TMED8: variants seen among roughly 807,000 people sequenced by gnomAD.
The protein encoded by TMED8 is transmembrane p24 trafficking protein family member 8.
Under a neutral mutation model 32.7 loss-of-function variants are expected in TMED8, and 15 were observed. The observed-to-expected ratio is 0.46, with a 90% CI of 0.31 to 0.71. TMED8 has a LOEUF of 0.71. TMED8 is among the 30% of genes least tolerant of loss of function. TMED8 has a pLI of 0.06. For missense variants in TMED8, 390 were observed against 423.9 expected (o/e 0.92, Z 0.70); for synonymous variants, 147 against 161.4 (o/e 0.91, Z 0.68).
intron 2 of TMED8, among the ~76,000 whole-genome samples, chr14:77,349,867 A>G (rs1366615931): frequency 2.0e-5 from 3 of 152,208 alleles, no homozygotes; most frequent in Non-Finnish European, 2.9e-5. Context: ...GTGGGCCTGG[A>G]TTGACATCAA....
chr14:77,344,774 C>A (rs1003601105), intron 3 of TMED8, among the ~76,000 whole-genome samples: 2 of 152,174 alleles, frequency 1.3e-5, no homozygotes, highest in African/African-American at 4.8e-5. Flanking sequence ...AGTTTGTAAT[C>A]CTCCCAGGCT....
At position 77,338,847 on chromosome 14, in the gene TMED8, T is replaced by G. The variant is rs550989698; in HGVS notation, c.*2924A>C. ...ACACTGGGGGAAAAGAAATCAATAC[T>G]TTAAATATGTCTTCCTTTCTAAAAG... On this transcript the variant is annotated 3_prime_UTR_variant, in exon 6 of 6. Transcript: ENST00000216468. The G allele has an allele frequency of 5.9e-5, 9 of 152,368 alleles. No homozygotes were observed. The highest frequency in any genetic ancestry group is 1.3e-4 in the Admixed American group (2 of 15,302). 9.4% of individuals were successfully genotyped at this position (152,368 alleles called of 1,614,324 possible).
Position 77,335,114 on chromosome 14 carries a change from C to T in TMED8, c.*6657G>A, listed in dbSNP as rs774383145. ...GCACAAAAGCATCACAAAACTGTTA[C>T]CTAATATAAAACGCAAGAACTGAGC... is the stretch of plus-strand genomic sequence containing the variant. On this transcript the variant is annotated 3_prime_UTR_variant, in exon 6 of 6. Transcript: ENST00000216468. 9 of 152,100 alleles carry T rather than the reference C, an allele frequency of 5.9e-5. No individual in the cohort carries two copies. The highest frequency in any genetic ancestry group is 8.8e-5 in the Non-Finnish European group (6 of 68,012). 9.4% of individuals were successfully genotyped at this position (152,100 alleles called of 1,614,324 possible).
At position 77,345,827 on chromosome 14, in the gene TMED8, G is replaced by A. The variant is rs527743612; in HGVS notation, c.327+522C>T. 1.6e-3 allele frequency among the ~76,000 whole-genome samples: 237 copies of A among 152,004 alleles called. 1 individual carries two copies. The highest frequency in any genetic ancestry group is 2.4e-3 in the Non-Finnish European group (166 of 67,964). On this transcript the variant is annotated intron_variant, in intron 3 of 5. Transcript: ENST00000216468. ...TCTACTAAAAATACAAAAATTAGCC[G>A]GGTGTGGTGGCATGTGCCTGTAATC...
chr14:77,372,935 TATATATATATATA>T (rs1566696431), intron 1 of TMED8, among the ~76,000 whole-genome samples: 7 of 33,750 alleles, frequency 2.1e-4, no homozygotes, highest in Non-Finnish European at 3.1e-4. Flanking sequence ...TATATATATA[TATATATATATATA>T]TATATTTTTT....
intron 3 of TMED8, among the ~76,000 whole-genome samples, chr14:77,345,248 A>G (rs1461815869): frequency 6.6e-6 from 1 of 152,094 alleles, no homozygotes; most frequent in Non-Finnish European, 1.5e-5. Context: ...CGGCCTCCCA[A>G]AGTGCTGGGA....
At chr14:77,362,453 A>G (rs901711875) in intron 1 of TMED8, among the ~76,000 whole-genome samples, 6 of 152,208 alleles carry the variant, frequency 3.9e-5, no homozygotes, top group Admixed American at 6.5e-5. Flanking sequence ...GCCTCATGGT[A>G]ACCACAAAGC....
intron 1 of TMED8, among the ~76,000 whole-genome samples, chr14:77,358,156 T>G (rs1893336300): frequency 6.9e-6 from 1 of 144,770 alleles, no homozygotes; most frequent in Admixed American, 7.0e-5. Flanking sequence ...AAATTGTATT[T>G]AAAGACCACA....
rs1462846023 is a variant in TMED8, at chr14:77,376,479, G to A, written c.118+457C>T. On this transcript the variant is annotated intron_variant, in intron 1 of 5. Coordinates refer to ENST00000216468, the MANE Select transcript of TMED8 (RefSeq NM_213601.3). This position sits in a 1 kb window ranked among gnomAD's most constrained non-coding sequence, Gnocchi z 4.0. ...GGAAGGCAAGGCTGCCAACCCGGGT[G>A]GGGGCCGAGAGGCGCGTGGTAAGGC... 6.6e-6 allele frequency among the ~76,000 whole-genome samples: 1 copy of A among 152,230 alleles called. No homozygotes were observed. Among genetic ancestry groups the A allele is most frequent in the Non-Finnish European group, 1.5e-5 (1 of 68,046 alleles).
chr14:77,367,108 G>A (rs542196919), intron 1 of TMED8, among the ~76,000 whole-genome samples: 2 of 151,858 alleles, frequency 1.3e-5, no homozygotes, highest in East Asian at 1.9e-4. Context: ...GCCAGGCATG[G>A]TGGTGTGTGT....
chr14:77,371,113 C>T (rs1272968369), intron 1 of TMED8, among the ~76,000 whole-genome samples: 1 of 152,090 alleles, frequency 6.6e-6, no homozygotes, highest in Non-Finnish European at 1.5e-5. Context: ...TAATGTATTA[C>T]CATTACAAAC....
intron 1 of TMED8, among the ~76,000 whole-genome samples, chr14:77,353,603 A>C (rs2139616743): frequency 6.7e-6 from 1 of 149,764 alleles, no homozygotes; most frequent in Admixed American, 6.6e-5. Context: ...GGCACACCCC[A>C]CCATGCCAGA....
At chr14:77,349,377 CA>C (rs1166158533) in intron 2 of TMED8, among the ~76,000 whole-genome samples, 8 of 152,100 alleles carry the variant, frequency 5.3e-5, no homozygotes, top group Non-Finnish European at 1.5e-5. Flanking sequence ...CTCTGCCTCC[CA>C]AAGTGCTGGG....
rs919152613 is a variant in TMED8, at chr14:77,376,459, G to A, written c.118+477C>T. On this transcript the variant is annotated intron_variant, in intron 1 of 5. Transcript: ENST00000216468. The surrounding 1 kb of genome is among the most constrained non-coding windows in gnomAD (Gnocchi z 4.0). ...CGCAGTGGGCTTCTGGCAGAGGAAGGCAAGGCTGCCAACCCGGGTGGGGGC... is the reference window on the plus strand; with the variant it reads ...CGCAGTGGGCTTCTGGCAGAGGAAGACAAGGCTGCCAACCCGGGTGGGGGC... Among the ~76,000 whole-genome samples the A allele has an allele frequency of 2.0e-5, 3 of 152,244 alleles. No individual in the cohort carries two copies. Among genetic ancestry groups the A allele is most frequent in the African/African-American group, 7.2e-5 (3 of 41,462 alleles).
At chr14:77,363,637 G>C (rs1893487873) in intron 1 of TMED8, among the ~76,000 whole-genome samples, 1 of 152,032 alleles carries the variant, frequency 6.6e-6, no homozygotes, top group African/African-American at 2.4e-5. Flanking sequence ...CTGGGTGACA[G>C]AGTCAGACCC....
chr14:77,351,411 A>ATTTTTTTTTT (rs1181134385), intron 2 of TMED8, among the ~76,000 whole-genome samples: 1,312 of 102,152 alleles, frequency 0.013, no homozygotes, highest in African/African-American at 0.023. Context: ...CGCCCCGCTA[A>ATTTTTTTTTT]TTTTTTTTTT....
chr14:77,338,134 A>C lies in TMED8; in HGVS notation c.*3637T>G, dbSNP rs1343713336. The C allele has an allele frequency of 6.6e-6, 1 of 152,140 alleles. No homozygotes were observed. Among genetic ancestry groups the C allele is most frequent in the African/African-American group, 2.4e-5 (1 of 41,424 alleles). 9.4% of individuals were successfully genotyped at this position (152,140 alleles called of 1,614,324 possible). On this transcript the variant is annotated 3_prime_UTR_variant, in exon 6 of 6. Transcript: ENST00000216468. ...TTAACATTAAAACAGAGATCTTAAG[A>C]CTAACCAAACAGACCCTTTGTGGCA...
chr14:77,366,290 A>G (rs1893551482), intron 1 of TMED8, among the ~76,000 whole-genome samples: 1 of 152,232 alleles, frequency 6.6e-6, no homozygotes, highest in Non-Finnish European at 1.5e-5. Flanking sequence ...TGACAATAGT[A>G]CTCAGTGGAA....
At chr14:77,348,429 T>C (rs1048417628) in intron 2 of TMED8, among the ~76,000 whole-genome samples, 4 of 152,144 alleles carry the variant, frequency 2.6e-5, no homozygotes, top group Non-Finnish European at 4.4e-5. Flanking sequence ...TTCACCATGT[T>C]AGCCAGGATG....
Sources: gnomAD v4.1 joint callset for allele counts (sites outside exome capture counted in the v4.1 genomes callset) on GRCh38, gnomAD v4.1.1 for gene constraint, Gnocchi (gnomAD v3.1) non-coding constraint, MANE v1.5 for transcripts, NCBI Gene and HGNC (gene_info 2026-07-23, HGNC 2026-07-21) for gene names.